Variants in PRORP observed in about 807,000 individuals in gnomAD.
PRORP encodes the protein mitochondrial ribonuclease P catalytic subunit.
In PRORP, 51 loss-of-function variants were observed where a neutral mutation model predicts 59.4. That is an observed-to-expected ratio of 0.86 (90% CI 0.69 to 1.08). The LOEUF is 1.08. Ranked by LOEUF, PRORP falls within the 50% of genes least tolerant of loss-of-function variation. PRORP has a pLI of 0.00. For synonymous variants in PRORP, 231 were observed against 245.6 expected (o/e 0.94, Z 0.55); for missense variants, 646 against 690.3 (o/e 0.94, Z 0.72).
chr14:35,178,337 T>C (rs1338826367), intron 4 of PRORP, among the ~76,000 whole-genome samples: 1 of 152,216 alleles, frequency 6.6e-6, no homozygotes, highest in Non-Finnish European at 1.5e-5. Context: ...ATGTTGACAG[T>C]GGAGTGTTAA....
intron 4 of PRORP, among the ~76,000 whole-genome samples, chr14:35,155,069 C>T (rs2047879045): frequency 6.6e-6 from 1 of 151,942 alleles, no homozygotes; most frequent in African/African-American, 2.4e-5. Context: ...AAGTTTTGTA[C>T]TTTTTGTAGA....
intron 5 of PRORP, among the ~76,000 whole-genome samples, chr14:35,200,280 C>T (rs1388050810): frequency 1.3e-5 from 2 of 152,134 alleles, no homozygotes; most frequent in African/African-American, 4.8e-5. Flanking sequence ...GCAACCTCCA[C>T]CTCCCGGGTT....
intron 4 of PRORP, 49 bp downstream of exon 4, chr14:35,127,660 G>T (rs1208213635): frequency 6.2e-7 from 1 of 1,601,718 alleles, no homozygotes; most frequent in Non-Finnish European, 8.5e-7. Flanking sequence ...TCTAGAGCAG[G>T]GGTTAGCAAT....
rs745395412 is a variant in PRORP, at chr14:35,123,461, G to T, written c.216G>T (p.Glu72Asp). The stretch of plus-strand genomic sequence containing the variant: ...AGGCCAGATATCTCAGGAAAGATGA[G>T]GGCAGTAATAAGCAAGTTTATTCTG... ...IAKARYLRKD[E>D]GSNKQVYSVP... is the part of the protein sequence containing the mutation. Residue 72 changes from glutamate to aspartate, a missense_variant, in exon 2 of 8, where the codon GAG becomes GAT. Transcript: ENST00000534898. The T allele has an allele frequency of 9.9e-6, 16 of 1,614,160 alleles. No homozygotes were observed. The highest frequency in any genetic ancestry group is 1.4e-5 in the Non-Finnish European group (16 of 1,180,034).
At chr14:35,176,581 A>C (rs2048456794) in intron 4 of PRORP, among the ~76,000 whole-genome samples, 1 of 152,100 alleles carries the variant, frequency 6.6e-6, no homozygotes, top group South Asian at 2.1e-4. Flanking sequence ...TGATTTTTGT[A>C]CATTGATTTT....
intron 4 of PRORP, among the ~76,000 whole-genome samples, chr14:35,147,601 T>A (rs2047642856): frequency 6.6e-6 from 1 of 152,176 alleles, no homozygotes; most frequent in African/African-American, 2.4e-5. Flanking sequence ...CACCTCAGCC[T>A]CCCAACATGC....
intron 4 of PRORP, among the ~76,000 whole-genome samples, chr14:35,164,153 G>A (rs116081894): frequency 0.012 from 1,781 of 152,212 alleles, 39 homozygotes; most frequent in African/African-American, 0.041. Context: ...ACCAGTATGA[G>A]GCTGCAGAGA....
chr14:35,194,580 G>A (rs1030278016), intron 5 of PRORP, among the ~76,000 whole-genome samples: 2 of 152,204 alleles, frequency 1.3e-5, no homozygotes, highest in African/African-American at 2.4e-5. Flanking sequence ...AATACCTAAT[G>A]TAGATGACGG....
chr14:35,246,304 T>TTC (rs1284694619), intron 5 of PRORP, among the ~76,000 whole-genome samples: 17 of 152,156 alleles, frequency 1.1e-4, no homozygotes, highest in Non-Finnish European at 7.3e-5. Flanking sequence ...TGTTTTCTGG[T>TTC]TCTCTCTCTC....
At chr14:35,205,077 T>C (rs1168954491) in intron 5 of PRORP, among the ~76,000 whole-genome samples, 1 of 152,240 alleles carries the variant, frequency 6.6e-6, no homozygotes, top group African/African-American at 2.4e-5. Context: ...CAAACCCGGA[T>C]TTTCTATGCC....
intron 4 of PRORP, chr14:35,144,336 G>A (rs2047555349): frequency 6.8e-6 from 1 of 146,264 alleles, no homozygotes; most frequent in African/African-American, 2.4e-5. Flanking sequence ...AGTGTGTTGG[G>A]CTACTGGAAC....
Position 35,267,971 on chromosome 14 carries a change from A to G in PRORP, c.1424+1096A>G, listed in dbSNP as rs182367287. On this transcript the variant is annotated intron_variant, in intron 6 of 7. Transcript: ENST00000534898. ...TAGACAAGCAAGAGGCCTAGATTTT[A>G]TTCTAAGTGTAGGGAGAAAATTGCT... Among the ~76,000 whole-genome samples, 380 of 152,280 alleles carry G rather than the reference A, an allele frequency of 2.5e-3. 3 individuals are homozygous for G. The highest frequency in any genetic ancestry group is 8.6e-3 in the African/African-American group (356 of 41,574).
chr14:35,123,192 A>T lies in PRORP; in HGVS notation c.-54A>T, dbSNP rs984431325. 5.8e-6 allele frequency: 9 copies of T among 1,545,660 alleles called. No homozygotes were observed. The highest frequency in any genetic ancestry group is 7.8e-6 in the Non-Finnish European group (9 of 1,148,946). The stretch of plus-strand genomic sequence containing the variant: ...CCCAATCTCTTTAATTTTGCCATAG[A>T]AGAGGGGTTTTTTCAACATCTCTCT... On this transcript the variant is annotated 5_prime_UTR_variant, in exon 2 of 8. Coordinates refer to ENST00000534898, the MANE Select transcript of PRORP (RefSeq NM_014672.4).
chr14:35,219,653 T>C (rs2049719934), intron 5 of PRORP, among the ~76,000 whole-genome samples: 1 of 152,222 alleles, frequency 6.6e-6, no homozygotes, highest in South Asian at 2.1e-4. Context: ...GCTTCATGCA[T>C]TGGTTAGAGA....
intron 5 of PRORP, among the ~76,000 whole-genome samples, chr14:35,182,572 G>A (rs1372630912): frequency 6.6e-6 from 1 of 152,162 alleles, no homozygotes; most frequent in Non-Finnish European, 1.5e-5. Flanking sequence ...TTGAACCCGG[G>A]AGGTGGAGGT....
Position 35,160,364 on chromosome 14 carries a change from T to C in PRORP, c.1168-20306T>C, listed in dbSNP as rs754875100. On this transcript the variant is annotated intron_variant, in intron 4 of 7. Transcript: ENST00000534898. ...ACAGGCTACTCTGTTACTACTGCAG[T>C]GCACAAAGATTTACTGTCTACATAT... Among the ~76,000 whole-genome samples the C allele has an allele frequency of 3.0e-4, 46 of 152,348 alleles. 1 individual carries two copies. Among genetic ancestry groups the C allele is most frequent in the South Asian group, 2.1e-3 (10 of 4,828 alleles).
At chr14:35,239,727 C>T (rs2050312773) in intron 5 of PRORP, among the ~76,000 whole-genome samples, 1 of 152,146 alleles carries the variant, frequency 6.6e-6, no homozygotes, top group Non-Finnish European at 1.5e-5. Context: ...AACTGTCCTG[C>T]CCTGTACAAC....
In PRORP at chr14:35,165,550, G is replaced by T. The variant is rs180934415; in HGVS notation, c.1168-15120G>T. Among the ~76,000 whole-genome samples the T allele has an allele frequency of 2.5e-3, 387 of 152,212 alleles. 2 individuals are homozygous for T. The highest frequency in any genetic ancestry group is 8.7e-3 in the African/African-American group (363 of 41,538). On this transcript the variant is annotated intron_variant, in intron 4 of 7. Transcript: ENST00000534898. ...CATGGAAAGCACTATGTAAGTTTAT[G>T]ATATTATTTATTTGACTTGGAAGTG... is the stretch of plus-strand genomic sequence containing the variant.
At position 35,273,457 on chromosome 14, in the gene PRORP, T is replaced by C. The variant is rs1240180376; in HGVS notation, c.1643T>C (p.Val548Ala). Residue 548 changes from valine to alanine, a missense_variant, in exon 8 of 8, where the codon GTG becomes GCG. Coordinates refer to ENST00000534898, the MANE Select transcript of PRORP (RefSeq NM_014672.4). ...CAGCGTATTCTCAGCTATGACACAG[T>C]GGTGCAAACAACTGGAGACTCGTGG... is the stretch of plus-strand genomic sequence containing the variant. ...TFQRILSYDT[V>A]VQTTGDSWHI... 6.2e-7 allele frequency: 1 copy of C among 1,612,430 alleles called. No individual in the cohort carries two copies. The highest frequency in any genetic ancestry group is 2.2e-5 in the East Asian group (1 of 44,784).
Sources: gnomAD v4.1 joint callset for allele counts (sites outside exome capture counted in the v4.1 genomes callset) on GRCh38, gnomAD v4.1.1 for gene constraint, MANE v1.5 for transcripts, NCBI Gene and HGNC (gene_info 2026-07-23, HGNC 2026-07-21) for gene names.